The following FSTL5 variants were observed in gnomAD, a reference collection of about 807,000 sequenced individuals.
The protein encoded by FSTL5 is follistatin like 5.
A neutral mutation model predicts 89.1 loss-of-function variants in FSTL5; 62 were observed. The ratio of observed to expected loss-of-function variants is 0.70; its 90% CI spans 0.57 to 0.86. The LOEUF is 0.86. Ranked by LOEUF, FSTL5 falls within the 40% of genes least tolerant of loss-of-function variation. The pLI is 0.00. For missense variants in FSTL5, 1,057 were observed against 1,001.6 expected (o/e 1.06, Z -0.75); for synonymous variants, 383 against 346.2 (o/e 1.11, Z -1.18).
intron 6 of FSTL5, among the ~76,000 whole-genome samples, chr4:161,736,756 A>G (rs560076607): frequency 6.6e-6 from 1 of 152,258 alleles, no homozygotes; most frequent in South Asian, 2.1e-4. Flanking sequence ...AGTTAAAAAC[A>G]GATTCCTCTG....
intron 6 of FSTL5, among the ~76,000 whole-genome samples, chr4:161,674,116 T>A (rs1158300189): frequency 6.6e-6 from 1 of 152,066 alleles, no homozygotes; most frequent in Non-Finnish European, 1.5e-5. Flanking sequence ...GAAGTGTTTT[T>A]AAAAACATAT....
chr4:161,468,485 C>G (rs1166181735), intron 13 of FSTL5, among the ~76,000 whole-genome samples: 1 of 152,104 alleles, frequency 6.6e-6, no homozygotes, highest in East Asian at 1.9e-4. Flanking sequence ...AGATTGCTGC[C>G]CGCAAGCATA....
chr4:161,490,218 A>G lies in FSTL5; in HGVS notation c.1459-9049T>C, dbSNP rs115322247. ...CGAAAACAAACTTTTAAGGAAAAGC[A>G]TCATACAGTTTGAAGATGGAACATC... is the stretch of plus-strand genomic sequence containing the variant. On this transcript the variant is annotated intron_variant, in intron 12 of 15. Transcript: ENST00000306100. 5.1e-3 allele frequency among the ~76,000 whole-genome samples: 776 copies of G among 152,216 alleles called. 7 individuals carry two copies. Among genetic ancestry groups the G allele is most frequent in the African/African-American group, 0.018 (733 of 41,562 alleles).
chr4:161,437,358 A>G (rs1449609771), intron 15 of FSTL5, among the ~76,000 whole-genome samples: 1 of 152,004 alleles, frequency 6.6e-6, no homozygotes, highest in Non-Finnish European at 1.5e-5. Flanking sequence ...CGAGGTCAGG[A>G]GATCGAGACC....
At chr4:161,390,414 G>C (rs552980162) in intron 15 of FSTL5, among the ~76,000 whole-genome samples, 2 of 152,034 alleles carry the variant, frequency 1.3e-5, no homozygotes, top group African/African-American at 4.8e-5. Context: ...CAGTATTTAG[G>C]GATGCATGGT....
intron 8 of FSTL5, among the ~76,000 whole-genome samples, chr4:161,554,347 A>T (rs1231474882): frequency 6.6e-6 from 1 of 151,608 alleles, no homozygotes; most frequent in East Asian, 1.9e-4. Context: ...AATAGAATTT[A>T]TTTAATGTAA....
At chr4:161,831,249 C>T (rs891942405) in intron 4 of FSTL5, among the ~76,000 whole-genome samples, 37 of 151,818 alleles carry the variant, frequency 2.4e-4, no homozygotes, top group African/African-American at 8.9e-4. Flanking sequence ...TTATTTAAAA[C>T]AATTTTTAAC....
intron 7 of FSTL5, among the ~76,000 whole-genome samples, chr4:161,641,618 A>G (rs1735964565): frequency 6.6e-6 from 1 of 151,642 alleles, no homozygotes; most frequent in Non-Finnish European, 1.5e-5. Flanking sequence ...CAGCCTCCCA[A>G]GTAGCTGGGA....
chr4:162,010,032 T>C (rs956073995), intron 3 of FSTL5, among the ~76,000 whole-genome samples: 6 of 152,008 alleles, frequency 3.9e-5, no homozygotes, highest in African/African-American at 1.4e-4. Context: ...TATCCCCTTG[T>C]ACACACTATG....
intron 4 of FSTL5, among the ~76,000 whole-genome samples, chr4:161,783,058 C>T (rs1388487455): frequency 1.3e-5 from 2 of 152,078 alleles, no homozygotes; most frequent in Non-Finnish European, 2.9e-5. Context: ...ATGCAGAGAA[C>T]ATTAGCAGAA....
intron 7 of FSTL5, among the ~76,000 whole-genome samples, chr4:161,650,462 G>C (rs1414903060): frequency 6.6e-6 from 1 of 152,108 alleles, no homozygotes; most frequent in African/African-American, 2.4e-5. Flanking sequence ...TTACCTGGGA[G>C]TTCTGTGTTT....
At chr4:161,806,772 GAGAT>G (rs573069497) in intron 4 of FSTL5, among the ~76,000 whole-genome samples, 3 of 152,082 alleles carry the variant, frequency 2.0e-5, no homozygotes, top group Non-Finnish European at 4.4e-5. Context: ...AATAATAATA[GAGAT>G]AGATAGATAA....
chr4:161,630,277 C>T (rs1331392832), intron 7 of FSTL5, among the ~76,000 whole-genome samples: 2 of 152,188 alleles, frequency 1.3e-5, no homozygotes, highest in Non-Finnish European at 2.9e-5. Context: ...CGGTGAGTTA[C>T]TGCCAGCTCT....
intron 6 of FSTL5, among the ~76,000 whole-genome samples, chr4:161,674,780 C>G (rs113919558): frequency 0.025 from 3,754 of 152,170 alleles, 161 homozygotes; most frequent in African/African-American, 0.085. Flanking sequence ...GCAGTAGGCA[C>G]AAAGAGAAAT....
intron 3 of FSTL5, among the ~76,000 whole-genome samples, chr4:161,998,219 AC>A (rs971269221): frequency 1.1e-4 from 16 of 151,666 alleles, no homozygotes; most frequent in Admixed American, 3.3e-4. Context: ...CTAATTGTAT[AC>A]CCCCTGACTT....
At chr4:161,972,349 C>G (rs1735507864) in intron 3 of FSTL5, among the ~76,000 whole-genome samples, 1 of 152,168 alleles carries the variant, frequency 6.6e-6, no homozygotes, top group Admixed American at 6.5e-5. Context: ...GCTGGGATTA[C>G]AAGCGTGAGC....
intron 7 of FSTL5, among the ~76,000 whole-genome samples, chr4:161,637,376 T>C (rs1490811719): frequency 1.9e-5 from 2 of 106,904 alleles, no homozygotes; most frequent in African/African-American, 8.3e-5. Context: ...CTTTGTCAGA[T>C]GAGTAGGTTG....
intron 7 of FSTL5, among the ~76,000 whole-genome samples, chr4:161,612,379 A>T (rs1287476720): frequency 6.6e-6 from 1 of 152,206 alleles, no homozygotes; most frequent in Admixed American, 6.5e-5. Context: ...TTGTTCAGTC[A>T]AGGAAAATAA....
rs1269898130 is a variant in FSTL5 at position 161,385,222 on chromosome 4, G to A, written c.*525C>T. 1 of 153,384 alleles carries A rather than the reference G, an allele frequency of 6.5e-6. No individual in the cohort carries two copies. The highest frequency in any genetic ancestry group is 1.5e-5 in the Non-Finnish European group (1 of 68,632). The allele number at this position is 153,384 out of a possible 1,614,324, so 9.5% of individuals were successfully genotyped here. A position where few individuals can be genotyped will look rare whatever the true frequency, so the allele number is the denominator to read the frequency against. On this transcript the variant is annotated 3_prime_UTR_variant, in exon 16 of 16. Coordinates refer to ENST00000306100, the MANE Select transcript of FSTL5 (RefSeq NM_020116.5). Reference sequence around the variant, plus strand: ...TTAACAACAAGAGATTTATAGTTATGAGAGCATTTAGTATGCAGGCTTTAG... The same window carrying A: ...TTAACAACAAGAGATTTATAGTTATAAGAGCATTTAGTATGCAGGCTTTAG...
Sources: allele counts gnomAD v4.1 joint callset (sites outside exome capture counted in the v4.1 genomes callset), GRCh38; gene constraint gnomAD v4.1.1; transcripts MANE v1.5; gene names NCBI Gene and HGNC (gene_info 2026-07-23, HGNC 2026-07-21).